The following DIS3L2 variants were observed in gnomAD, a reference collection of about 807,000 sequenced individuals.
The protein encoded by DIS3L2 is DIS3-like exonuclease 2.
DIS3L2 carries 34 observed loss-of-function variants against 97.5 expected under a neutral mutation model. That is an observed-to-expected ratio of 0.35 (90% CI 0.27 to 0.46). The LOEUF (loss-of-function observed/expected upper bound fraction) is 0.46, where lower values mean the gene tolerates loss of function less well. Ranked by LOEUF, DIS3L2 falls within the 20% of genes least tolerant of loss-of-function variation. The pLI is 1.00. For missense variants in DIS3L2, 1,038 were observed against 1,146.0 expected, an observed-to-expected ratio of 0.91 and a Z score of 1.36; for synonymous variants, 435 against 445.2, an observed-to-expected ratio of 0.98 and a Z score of 0.29.
intron 13 of DIS3L2, among the ~76,000 whole-genome samples, chr2:232,272,464 G>A (rs966532988): frequency 3.9e-5 from 6 of 152,186 alleles, no homozygotes; most frequent in African/African-American, 1.4e-4. Context: ...GGGAAAGAAG[G>A]CCAGTTTGGA....
rs547790126 is a variant in DIS3L2 at position 232,096,231 on chromosome 2, C to T, written c.601+8510C>T. Among the ~76,000 whole-genome samples, 324 of 151,938 alleles carry T rather than the reference C, an allele frequency of 2.1e-3. 2 individuals carry two copies. The highest frequency in any genetic ancestry group is 7.4e-3 in the African/African-American group (305 of 41,474). The stretch of plus-strand genomic sequence containing the variant: ...CCTCCCGAGTAGCTGGGACTACAGG[C>T]GCCCGCCACCACGCTCGGCTAATTT... On this transcript the variant is annotated intron_variant, in intron 6 of 20. Transcript: ENST00000325385.
chr2:232,176,336 T>C (rs775410171), intron 9 of DIS3L2, among the ~76,000 whole-genome samples: 1 of 152,220 alleles, frequency 6.6e-6, no homozygotes, highest in Non-Finnish European at 1.5e-5. Flanking sequence ...AATTTGAATC[T>C]CTCCCCCTCT....
chr2:232,308,207 C>T (rs896197965), intron 14 of DIS3L2, among the ~76,000 whole-genome samples: 1 of 152,164 alleles, frequency 6.6e-6, no homozygotes, highest in African/African-American at 2.4e-5. Flanking sequence ...GGTGCAGTTG[C>T]CCTGAATACC....
At chr2:232,023,979 G>C (rs1048558502) in intron 3 of DIS3L2, among the ~76,000 whole-genome samples, 6 of 152,078 alleles carry the variant, frequency 3.9e-5, no homozygotes, top group Non-Finnish European at 8.8e-5. Flanking sequence ...CTAGCATATA[G>C]GGGCATCTAA....
intron 12 of DIS3L2, among the ~76,000 whole-genome samples, chr2:232,260,946 G>A (rs1419890617): frequency 2.6e-5 from 4 of 152,182 alleles, no homozygotes; most frequent in African/African-American, 9.7e-5. Flanking sequence ...AGGGTTGGCT[G>A]GTGAAGAGCA....
intron 5 of DIS3L2, among the ~76,000 whole-genome samples, chr2:232,086,086 T>A (rs1373140495): frequency 6.6e-6 from 1 of 152,136 alleles, no homozygotes; most frequent in East Asian, 1.9e-4. Flanking sequence ...TGTGAGTCAC[T>A]GTGCCTGGCC....
At chr2:232,227,162 A>G (rs1165598933) in intron 10 of DIS3L2, among the ~76,000 whole-genome samples, 1 of 152,222 alleles carries the variant, frequency 6.6e-6, no homozygotes, top group Non-Finnish European at 1.5e-5. Context: ...AAATCATACT[A>G]TGTCTACTTA....
chr2:232,017,922 C>A (rs1222798140), intron 3 of DIS3L2, among the ~76,000 whole-genome samples: 3 of 152,154 alleles, frequency 2.0e-5, no homozygotes, highest in Non-Finnish European at 4.4e-5. Flanking sequence ...TTTTATGTTT[C>A]CCCCAGATAG....
intron 5 of DIS3L2, among the ~76,000 whole-genome samples, chr2:232,054,362 A>T (rs1270602512): frequency 3.9e-5 from 6 of 152,222 alleles, no homozygotes; most frequent in African/African-American, 1.4e-4. Context: ...TTATTTTCAA[A>T]ACCTATTCTG....
chr2:232,235,179 T>G (rs983651757), intron 10 of DIS3L2, among the ~76,000 whole-genome samples: 2 of 152,246 alleles, frequency 1.3e-5, no homozygotes. Flanking sequence ...CTCTAAATGC[T>G]CTTTAAACAC....
intron 5 of DIS3L2, among the ~76,000 whole-genome samples, chr2:232,038,496 T>C (rs1234614819): frequency 6.6e-6 from 1 of 152,156 alleles, no homozygotes; most frequent in Admixed American, 6.5e-5. Flanking sequence ...CAGAAGTGGA[T>C]GAGATTGCTT....
At chr2:231,974,763 A>G (rs1478008599) in intron 1 of DIS3L2, among the ~76,000 whole-genome samples, 2 of 152,184 alleles carry the variant, frequency 1.3e-5, no homozygotes, top group Non-Finnish European at 2.9e-5. Flanking sequence ...ACATAAAGCT[A>G]TTCAAATTAT....
At chr2:232,219,126 C>T (rs918311176) in intron 10 of DIS3L2, among the ~76,000 whole-genome samples, 1 of 152,226 alleles carries the variant, frequency 6.6e-6, no homozygotes, top group Admixed American at 6.5e-5. Context: ...CAACATAAAC[C>T]TCCGCAGAAC....
intron 1 of DIS3L2, among the ~76,000 whole-genome samples, chr2:232,000,101 T>C (rs946622086): frequency 6.6e-6 from 1 of 152,202 alleles, no homozygotes; most frequent in African/African-American, 2.4e-5. Context: ...ATATAACCTA[T>C]GCTCATCTTT....
At chr2:232,164,051 A>G (rs549550684) in intron 9 of DIS3L2, among the ~76,000 whole-genome samples, 1 of 152,206 alleles carries the variant, frequency 6.6e-6, no homozygotes, top group Middle Eastern at 3.2e-3. Context: ...AGCCAAAAGT[A>G]GTTACTGTCA....
chr2:232,018,554 A>G (rs1403808120), intron 3 of DIS3L2, among the ~76,000 whole-genome samples: 1 of 152,212 alleles, frequency 6.6e-6, no homozygotes, highest in African/African-American at 2.4e-5. Flanking sequence ...AGGCCAGACA[A>G]GAAAGGATGT....
chr2:232,218,372 C>G (rs936922547), intron 10 of DIS3L2, among the ~76,000 whole-genome samples: 8 of 152,210 alleles, frequency 5.3e-5, no homozygotes, highest in Non-Finnish European at 1.0e-4. Context: ...TTGAATCCTA[C>G]AAAGTCTGGA....
rs779030223 is a variant in DIS3L2 at position 232,030,073 on chromosome 2, A to G, written c.359A>G (p.His120Arg). Residue 120 changes from histidine to arginine, a missense_variant, in exon 5 of 21, where the codon CAT becomes CGT. Coordinates refer to ENST00000325385, the MANE Select transcript of DIS3L2 (RefSeq NM_152383.5). ...LVVVKLLPEE[H>R]WKVVKPESND... ...GTCGTGAAACTGCTTCCCGAGGAGC[A>G]TTGGAAGGTGAGTTAAGTTTTCCCT... is the stretch of plus-strand genomic sequence containing the variant. 4 of 1,611,604 alleles carry G rather than the reference A, an allele frequency of 2.5e-6. No homozygotes were observed. The Admixed American group carries it at 5.0e-5, about 20-fold the overall frequency.
intron 1 of DIS3L2, among the ~76,000 whole-genome samples, chr2:231,992,991 G>C (rs76103360): frequency 6.6e-6 from 1 of 152,014 alleles, no homozygotes; most frequent in Non-Finnish European, 1.5e-5. Context: ...GATCGCATCT[G>C]TGTTCAATTT....
Sources: gnomAD v4.1 joint callset for allele counts (sites outside exome capture counted in the v4.1 genomes callset) on GRCh38, gnomAD v4.1.1 for gene constraint, MANE v1.5 for transcripts, NCBI Gene and HGNC (gene_info 2026-07-23, HGNC 2026-07-21) for gene names.